The following PSD3 variants were observed in gnomAD, a reference collection of about 807,000 sequenced individuals.
The protein encoded by PSD3 is pleckstrin and Sec7 domain containing 3, also known as PH and SEC7 domain-containing protein 3.
A neutral mutation model predicts 105.5 loss-of-function variants in PSD3; 49 were observed. That is an observed-to-expected ratio of 0.46 (90% CI 0.37 to 0.59). The LOEUF (loss-of-function observed/expected upper bound fraction) is 0.59, where lower values mean the gene tolerates loss of function less well. PSD3 is among the 20% of genes least tolerant of loss of function. The pLI is 0.00. For missense variants in PSD3, 1,561 were observed against 1,263.8 expected, an observed-to-expected ratio of 1.24 and a Z score of -3.57; for synonymous variants, 557 against 457.8, an observed-to-expected ratio of 1.22 and a Z score of -2.77.
intron 1 of PSD3, among the ~76,000 whole-genome samples, chr8:18,956,359 C>T (rs1384833430): frequency 6.6e-6 from 1 of 152,170 alleles, no homozygotes; most frequent in African/African-American, 2.4e-5. Context: ...TGGGGCCTGA[C>T]AGTCTGCATT....
At position 18,985,671 on chromosome 8, in the gene PSD3, G is replaced by C. The variant is rs558234623; in HGVS notation, c.21+27892C>G. On this transcript the variant is annotated intron_variant, in intron 1 of 15. Transcript: ENST00000327040. ...TCAGTTAAACATACTCCTAAAAATA[G>C]CATTTTCTTCTGGGATTTGACTACT... Among the ~76,000 whole-genome samples, 20 of 152,060 alleles carry C rather than the reference G, an allele frequency of 1.3e-4. No individual in the cohort carries two copies. The South Asian group carries it at 1.9e-3, about 14-fold the overall frequency.
chr8:18,547,944 C>G (rs1378122592), intron 15 of PSD3, among the ~76,000 whole-genome samples: 1 of 152,150 alleles, frequency 6.6e-6, no homozygotes, highest in Non-Finnish European at 1.5e-5. Flanking sequence ...GCAATTGGCT[C>G]TGTTGATGGT....
At chr8:18,915,474 A>C (rs1386173857) in intron 2 of PSD3, among the ~76,000 whole-genome samples, 1 of 152,232 alleles carries the variant, frequency 6.6e-6, no homozygotes, top group Non-Finnish European at 1.5e-5. Flanking sequence ...CAAAATATCC[A>C]AGATATAAAT....
chr8:18,671,162 C>G (rs1799760907), intron 9 of PSD3, among the ~76,000 whole-genome samples: 1 of 152,148 alleles, frequency 6.6e-6, no homozygotes, highest in Admixed American at 6.5e-5. Flanking sequence ...AACTAGAAAG[C>G]TGCAGACCTA....
At chr8:18,982,409 A>G (rs568761679) in intron 1 of PSD3, among the ~76,000 whole-genome samples, 52 of 152,326 alleles carry the variant, frequency 3.4e-4, no homozygotes, top group East Asian at 1.4e-3. Flanking sequence ...ATGTCCTCCA[A>G]TGAATCACAA....
At chr8:18,554,012 A>C (rs1481526451) in intron 15 of PSD3, among the ~76,000 whole-genome samples, 1 of 152,096 alleles carries the variant, frequency 6.6e-6, no homozygotes, top group East Asian at 1.9e-4. Flanking sequence ...ACTTGGTCTA[A>C]CTTCATGTCA....
intron 1 of PSD3, among the ~76,000 whole-genome samples, chr8:19,045,901 G>A (rs146907700): frequency 6.6e-6 from 1 of 152,120 alleles, no homozygotes; most frequent in African/African-American, 2.4e-5. Context: ...CTTGCATTAC[G>A]TCTAATCATC....
intron 8 of PSD3, among the ~76,000 whole-genome samples, chr8:18,778,453 C>A (rs1808299352): frequency 6.6e-6 from 1 of 152,034 alleles, no homozygotes; most frequent in Non-Finnish European, 1.5e-5. Flanking sequence ...GGATGCATTT[C>A]TTTTGCCTGG....
intron 9 of PSD3, among the ~76,000 whole-genome samples, chr8:18,699,291 C>T (rs998155929): frequency 6.6e-6 from 1 of 152,170 alleles, no homozygotes; most frequent in Non-Finnish European, 1.5e-5. Context: ...AAAGAGGCTG[C>T]TGTATTTTTG....
At chr8:18,895,156 T>C (rs1358084436) in intron 2 of PSD3, among the ~76,000 whole-genome samples, 4 of 152,218 alleles carry the variant, frequency 2.6e-5, no homozygotes. Context: ...CTCTGAACTG[T>C]GTGCCCCCTG....
chr8:19,052,853 T>G (rs536357107), intron 1 of PSD3, among the ~76,000 whole-genome samples: 1 of 152,068 alleles, frequency 6.6e-6, no homozygotes, highest in South Asian at 2.1e-4. Flanking sequence ...GACAGGTGCT[T>G]GGGTGCAGCT....
In PSD3 at chr8:19,081,236, G is replaced by C. The variant is rs552631909; in HGVS notation, c.324+2970C>G. On this transcript the variant is annotated intron_variant, in intron 1 of 1. Coordinates refer to the PSD3 transcript ENST00000521475. Reference sequence around the variant, plus strand: ...CGTCCCCAACACCTAGGCCTTCACTGCTTCTAGAAAGCTGGCTGGACTCAT... The same window carrying C: ...CGTCCCCAACACCTAGGCCTTCACTCCTTCTAGAAAGCTGGCTGGACTCAT... 3.5e-5 allele frequency among the ~76,000 whole-genome samples: 4 copies of C among 113,976 alleles called. No individual in the cohort carries two copies. In the South Asian group the frequency reaches 1.0e-3, roughly 29 times the overall value. 74.8% of individuals were successfully genotyped at this position (113,976 alleles called of 152,430 possible).
intron 9 of PSD3, among the ~76,000 whole-genome samples, chr8:18,706,382 G>A (rs1442459640): frequency 6.6e-6 from 1 of 152,032 alleles, no homozygotes; most frequent in African/African-American, 2.4e-5. Context: ...TTATAACTAT[G>A]TATTACACAA....
chr8:18,602,793 T>C (rs1487715434), intron 11 of PSD3, among the ~76,000 whole-genome samples: 1 of 152,112 alleles, frequency 6.6e-6, no homozygotes. Flanking sequence ...ACACATACAG[T>C]GCCGCTGTTG....
intron 1 of PSD3, among the ~76,000 whole-genome samples, chr8:18,977,845 A>G (rs921877895): frequency 6.6e-6 from 1 of 152,188 alleles, no homozygotes; most frequent in Non-Finnish European, 1.5e-5. Flanking sequence ...ATCAACACAC[A>G]TTACTTATGC....
chr8:18,529,151 A>ATGCTGGAGAGC lies in PSD3; in HGVS notation c.*6581_*6591dup, dbSNP rs1799537121. The ATGCTGGAGAGC allele has an allele frequency of 6.6e-6, 1 of 152,216 alleles. No homozygotes were observed. Among genetic ancestry groups the ATGCTGGAGAGC allele is most frequent in the Non-Finnish European group, 1.5e-5 (1 of 68,046 alleles). 9.4% of individuals were successfully genotyped at this position (152,216 alleles called of 1,614,324 possible). ...GGGACTTCACCCAGGCTACGGAGAGATGCTGGAGAGCTGCTGCTTGTGAAT... is the reference window on the plus strand; with the variant it reads ...GGGACTTCACCCAGGCTACGGAGAGATGCTGGAGAGCTGCTGGAGAGCTGCTGCTTGTGAAT... On this transcript the variant is annotated 3_prime_UTR_variant, in exon 16 of 16. Coordinates refer to ENST00000327040, the MANE Select transcript of PSD3 (RefSeq NM_015310.4).
intron 1 of PSD3, among the ~76,000 whole-genome samples, chr8:19,081,640 A>T (rs1829649031): frequency 6.6e-6 from 1 of 152,244 alleles, no homozygotes; most frequent in African/African-American, 2.4e-5. Flanking sequence ...CTTTTACTAA[A>T]GCCTGGTCAT....
At chr8:18,780,273 T>C (rs1223791965) in intron 8 of PSD3, among the ~76,000 whole-genome samples, 4 of 152,214 alleles carry the variant, frequency 2.6e-5, no homozygotes, top group Non-Finnish European at 5.9e-5. Flanking sequence ...GATTATCTTT[T>C]TCCATCCCTT....
chr8:18,715,243 A>C (rs1413173218), intron 9 of PSD3, among the ~76,000 whole-genome samples: 1 of 152,220 alleles, frequency 6.6e-6, no homozygotes. Context: ...TACCCATGTA[A>C]CAAACCTGCA....
Sources: allele counts gnomAD v4.1 joint callset (sites outside exome capture counted in the v4.1 genomes callset), GRCh38; gene constraint gnomAD v4.1.1; transcripts MANE v1.5; gene names NCBI Gene and HGNC (gene_info 2026-07-23, HGNC 2026-07-21).